Variants in RANBP17 observed in about 807,000 individuals in gnomAD.
RANBP17 encodes RAN binding protein 17.
Under a neutral mutation model 141.2 loss-of-function variants are expected in RANBP17, and 158 were observed. The ratio of observed to expected loss-of-function variants is 1.12; its 90% CI spans 0.98 to 1.28. The LOEUF (loss-of-function observed/expected upper bound fraction) is 1.28. Among genes scored for constraint, RANBP17 ranks in the 50% most tolerant of loss-of-function variants. The pLI is 0.00. For synonymous variants in RANBP17, 430 were observed against 450.0 expected, an observed-to-expected ratio of 0.96 and a Z score of 0.56; for missense variants, 1,438 against 1,290.7, an observed-to-expected ratio of 1.11 and a Z score of -1.75.
intron 24 of RANBP17, chr5:171,251,869 G>A (rs1205323781): frequency 1.4e-6 from 2 of 1,446,332 alleles, no homozygotes; most frequent in African/African-American, 2.8e-5. Context: ...GAGTGCCAAT[G>A]CTTCGGCATT....
intron 25 of RANBP17, among the ~76,000 whole-genome samples, chr5:171,274,661 C>G (rs1404800441): frequency 6.6e-6 from 1 of 152,108 alleles, no homozygotes; most frequent in Non-Finnish European, 1.5e-5. Context: ...CACCTACATC[C>G]TGATACTTGT....
At chr5:171,212,054 T>A (rs1206067168) in intron 20 of RANBP17, among the ~76,000 whole-genome samples, 1 of 152,198 alleles carries the variant, frequency 6.6e-6, no homozygotes, top group African/African-American at 2.4e-5. Context: ...GTACTATGAT[T>A]GTGCTAGCAC....
At chr5:171,095,764 C>G (rs1365201986) in intron 14 of RANBP17, among the ~76,000 whole-genome samples, 1 of 152,034 alleles carries the variant, frequency 6.6e-6, no homozygotes, top group South Asian at 2.1e-4. Context: ...GACACCCCCC[C>G]GACACACCCA....
chr5:171,270,829 C>T lies in RANBP17; in HGVS notation c.2943+4982C>T, dbSNP rs184955862. On this transcript the variant is annotated intron_variant, in intron 25 of 27. Coordinates refer to ENST00000523189, the MANE Select transcript of RANBP17 (RefSeq NM_022897.5). ...CTAATTGCTCTAGAAAGAGTAACAC[C>T]TTCCACAGAAATTAGCAAGAACTAT... Among the ~76,000 whole-genome samples the T allele has an allele frequency of 2.6e-5, 4 of 152,160 alleles. No homozygotes were observed. The East Asian group carries it at 7.7e-4, about 29-fold the overall frequency.
intron 14 of RANBP17, among the ~76,000 whole-genome samples, chr5:171,039,043 T>G (rs1273846552): frequency 6.6e-6 from 1 of 152,162 alleles, no homozygotes; most frequent in Non-Finnish European, 1.5e-5. Flanking sequence ...AACATGCAAG[T>G]GTATGTGTCT....
chr5:170,985,219 G>A (rs149960190), intron 14 of RANBP17, among the ~76,000 whole-genome samples: 2 of 151,974 alleles, frequency 1.3e-5, no homozygotes, highest in Non-Finnish European at 2.9e-5. Flanking sequence ...TTTGAACTTT[G>A]TTCTTAAATC....
intron 14 of RANBP17, among the ~76,000 whole-genome samples, chr5:171,111,035 C>G (rs1031169531): frequency 1.3e-5 from 2 of 151,776 alleles, no homozygotes; most frequent in South Asian, 4.2e-4. Flanking sequence ...CCACAGTCCC[C>G]AGAGTGTGAT....
intron 14 of RANBP17, among the ~76,000 whole-genome samples, chr5:171,113,199 C>T (rs1255807589): frequency 2.0e-5 from 3 of 152,142 alleles, no homozygotes; most frequent in Non-Finnish European, 2.9e-5. Flanking sequence ...ATCATCTGCC[C>T]TTCATGTGAT....
rs369343101 is a variant in RANBP17 at position 170,987,967 on chromosome 5, A to C, written c.1710+19590A>C. On this transcript the variant is annotated intron_variant, in intron 14 of 27. Transcript: ENST00000523189. ...ACCAAATATACCATTATTTGACATC[A>C]AATCTTGTGAGAATTATATTTTGTT... Among the ~76,000 whole-genome samples, 8 of 151,690 alleles carry C rather than the reference A, an allele frequency of 5.3e-5. No individual in the cohort carries two copies. The South Asian group carries it at 1.7e-3, about 31-fold the overall frequency.
At chr5:171,112,949 T>C (rs1169708633) in intron 14 of RANBP17, among the ~76,000 whole-genome samples, 2 of 152,178 alleles carry the variant, frequency 1.3e-5, no homozygotes, top group African/African-American at 2.4e-5. Context: ...AGCAAAGTTA[T>C]ATAAGTTGCC....
chr5:170,997,701 A>C (rs933649323), intron 14 of RANBP17, among the ~76,000 whole-genome samples: 3 of 152,198 alleles, frequency 2.0e-5, no homozygotes, highest in Non-Finnish European at 4.4e-5. Context: ...ACAGACTCAC[A>C]TCTATCATTA....
chr5:170,979,493 C>T (rs1777613201), intron 14 of RANBP17, among the ~76,000 whole-genome samples: 1 of 152,166 alleles, frequency 6.6e-6, no homozygotes, highest in Non-Finnish European at 1.5e-5. Context: ...ACCCAAATCT[C>T]ACCTTGATTT....
intron 24 of RANBP17, among the ~76,000 whole-genome samples, chr5:171,261,318 A>G (rs565396263): frequency 6.6e-6 from 1 of 152,316 alleles, no homozygotes; most frequent in African/African-American, 2.4e-5. Context: ...TCAAGCATCT[A>G]GGAAATAATA....
intron 25 of RANBP17, among the ~76,000 whole-genome samples, chr5:171,269,900 G>T (rs1766982505): frequency 6.6e-6 from 1 of 152,198 alleles, no homozygotes; most frequent in Non-Finnish European, 1.5e-5. Flanking sequence ...TGTGCTTGGA[G>T]TTTAGAGAGG....
At chr5:170,953,555 A>G in intron 12 of RANBP17, 42 bp from the exon 13 acceptor site, 2 of 1,323,998 alleles carry the variant, frequency 1.5e-6, no homozygotes, top group South Asian at 1.2e-5. Flanking sequence ...CTACGTTTCT[A>G]TGAATACTTA....
At chr5:171,008,274 A>G (rs1779791427) in intron 14 of RANBP17, among the ~76,000 whole-genome samples, 1 of 152,176 alleles carries the variant, frequency 6.6e-6, no homozygotes, top group East Asian at 1.9e-4. Context: ...AAGACCGCTT[A>G]CTCGAAATTG....
At chr5:171,262,418 C>T (rs187086765) in intron 24 of RANBP17, among the ~76,000 whole-genome samples, 3 of 152,158 alleles carry the variant, frequency 2.0e-5, no homozygotes, top group East Asian at 1.9e-4. Flanking sequence ...CCAGTTAATA[C>T]GGAGAGATGC....
intron 14 of RANBP17, among the ~76,000 whole-genome samples, chr5:171,119,493 C>T (rs1264542494): frequency 3.9e-5 from 6 of 152,118 alleles, no homozygotes; most frequent in African/African-American, 1.2e-4. Flanking sequence ...GCCATCTGCT[C>T]CTGGACTTTT....
At chr5:171,027,365 C>T (rs770941545) in intron 14 of RANBP17, among the ~76,000 whole-genome samples, 15 of 152,118 alleles carry the variant, frequency 9.9e-5, no homozygotes, top group Non-Finnish European at 1.9e-4. Flanking sequence ...CATGGAACAT[C>T]TTATCTCCTT....
Sources: gnomAD v4.1 joint callset for allele counts (sites outside exome capture counted in the v4.1 genomes callset) on GRCh38, gnomAD v4.1.1 for gene constraint, MANE v1.5 for transcripts, NCBI Gene and HGNC (gene_info 2026-07-23, HGNC 2026-07-21) for gene names.